FANCM: variants seen among roughly 807,000 people sequenced by gnomAD.
The protein encoded by FANCM is FA complementation group M, also known as Fanconi anemia group M protein.
A neutral mutation model predicts 199.5 loss-of-function variants in FANCM; 140 were observed. The observed-to-expected ratio is 0.70, with a 90% CI of 0.61 to 0.81. The LOEUF (loss-of-function observed/expected upper bound fraction) is 0.81, where lower values mean the gene tolerates loss of function less well. FANCM is among the 30% of genes least tolerant of loss of function. The pLI is 0.00. For missense variants in FANCM, 2,410 were observed against 2,421.4 expected (o/e 1.00, Z 0.10); for synonymous variants, 840 against 836.8 (o/e 1.00, Z -0.07).
At chr14:45,148,617 G>A (rs1158665667) in intron 3 of FANCM, among the ~76,000 whole-genome samples, 6 of 152,046 alleles carry the variant, frequency 3.9e-5, no homozygotes, top group Non-Finnish European at 7.4e-5. Context: ...TTGGCTTGAA[G>A]GTCTGTGTGG....
At chr14:45,157,164 A>G (rs2139180085) in intron 8 of FANCM, among the ~76,000 whole-genome samples, 1 of 152,260 alleles carries the variant, frequency 6.6e-6, no homozygotes, top group Non-Finnish European at 1.5e-5. Flanking sequence ...AGAATAACAA[A>G]AGAAAGAGCA....
chr14:45,173,082 C>T lies in FANCM; in HGVS notation c.2188C>T (p.Gln730Ter). ...TCAAGAATCAACCACTGGAATTCAT[C>T]AACTCTCTCTCTCTGAATGGAGACT... ...PAQESTTGIH[Q>*]LSLSEWRLWQ... is the part of the protein sequence containing the mutation. Residue 730 changes from glutamine (Q) to a stop codon, truncating the protein, a stop_gained, in exon 13 of 23, where the codon CAA becomes TAA. Coordinates refer to ENST00000267430, the MANE Select transcript of FANCM (RefSeq NM_020937.4). LOFTEE classifies it high-confidence loss of function. 6.2e-7 allele frequency: 1 copy of T among 1,608,838 alleles called. No homozygotes were observed. Among genetic ancestry groups the T allele is most frequent in the Non-Finnish European group, 8.5e-7 (1 of 1,175,298 alleles).
chr14:45,195,640 C>A, intron 20 of FANCM: 1 of 443,776 alleles, frequency 2.3e-6, no homozygotes, highest in South Asian at 1.6e-5. Context: ...TGTTTTTGAC[C>A]TCGGTGCATT....
At chr14:45,171,419 A>T (rs1888331391) in intron 12 of FANCM, among the ~76,000 whole-genome samples, 2 of 152,020 alleles carry the variant, frequency 1.3e-5, no homozygotes, top group Non-Finnish European at 2.9e-5. Flanking sequence ...TTTGGTGCAC[A>T]TCATCCGAGC....
rs1015238529 is a variant in FANCM, at chr14:45,136,221, G to T, written c.190G>T (p.Ala64Ser). 3.7e-6 allele frequency: 6 copies of T among 1,614,058 alleles called. No homozygotes were observed. Among genetic ancestry groups the T allele is most frequent in the Admixed American group, 3.3e-5 (2 of 60,002 alleles). Reference sequence around the variant, plus strand: ...TGTGTTGCTTGTCGCGGCGTACGAGGCTGAGCGGCAGTTGTGTCTAGAGAA... The same window carrying T: ...TGTGTTGCTTGTCGCGGCGTACGAGTCTGAGCGGCAGTTGTGTCTAGAGAA... ...DDVLLVAAYE[A>S]ERQLCLENGG... Residue 64 changes from alanine to serine, a missense_variant, in exon 1 of 23, where the codon GCT becomes TCT. Physicochemically the swap from Ala to Ser is moderately conservative, Grantham distance 99. Transcript: ENST00000267430.
intron 18 of FANCM, among the ~76,000 whole-genome samples, chr14:45,185,843 G>GT (rs1220910830): frequency 6.6e-6 from 1 of 152,130 alleles, no homozygotes; most frequent in African/African-American, 2.4e-5. Context: ...AAAATTTGGA[G>GT]TAACTGGGGT....
At position 45,199,891 on chromosome 14, in the gene FANCM, G is replaced by A. The variant is rs1890267290; in HGVS notation, c.6030G>A (p.Met2010Ile). 1.9e-6 allele frequency: 3 copies of A among 1,611,472 alleles called. No homozygotes were observed. The highest frequency in any genetic ancestry group is 2.5e-6 in the Non-Finnish European group (3 of 1,178,026). ...MANSSLQEIS[M>I]YAQVTHQKAE... ...TCAGCTCACTTCAAGAAATCTCCATGTATGCACAAGTAACTCATCAGAAGG... is the reference window on the plus strand; with the variant it reads ...TCAGCTCACTTCAAGAAATCTCCATATATGCACAAGTAACTCATCAGAAGG... The change falls in exon 23 of 23, where the codon ATG (methionine) becomes ATA (isoleucine). Residue 2010 changes from methionine to isoleucine, a missense_variant. Transcript: ENST00000267430.
At position 45,189,091 on chromosome 14, in the gene FANCM, T is replaced by A. The variant is rs1487516869; in HGVS notation, c.5069T>A (p.Val1690Asp). 1 of 1,614,036 alleles carries A rather than the reference T, an allele frequency of 6.2e-7. No homozygotes were observed. Among genetic ancestry groups the A allele is most frequent in the Non-Finnish European group, 8.5e-7 (1 of 1,180,008 alleles). ...GATAAAAGAGAATCTAATATTGCGGTTAACCCAAGCACTGTTAAGAAGAAC... is the reference window on the plus strand; with the variant it reads ...GATAAAAGAGAATCTAATATTGCGGATAACCCAAGCACTGTTAAGAAGAAC... ...VNDKRESNIAVNPSTVKKNKQ... is the reference protein window; with the variant it reads ...VNDKRESNIADNPSTVKKNKQ... The change falls in exon 20 of 23, where the codon GTT (valine) becomes GAT (aspartate). Residue 1690 changes from valine to aspartate, a missense_variant. Physicochemically the swap from Val to Asp is radical, Grantham distance 152. Transcript: ENST00000267430.
chr14:45,169,884 C>T (rs1274180589), intron 11 of FANCM, among the ~76,000 whole-genome samples: 1 of 151,838 alleles, frequency 6.6e-6, no homozygotes, highest in Non-Finnish European at 1.5e-5. Context: ...CAAGTCTGTT[C>T]CCCCTACACT....
At chr14:45,164,600 G>C (rs964223542) in intron 10 of FANCM, 35 bp downstream of exon 10, 13 of 1,450,774 alleles carry the variant, frequency 9.0e-6, no homozygotes, top group Non-Finnish European at 1.2e-5. Context: ...TTTGACACTT[G>C]AAATTTGAGA....
At chr14:45,158,418 C>T (rs1427093471) in intron 8 of FANCM, among the ~76,000 whole-genome samples, 5 of 151,938 alleles carry the variant, frequency 3.3e-5, no homozygotes, top group East Asian at 1.9e-4. Context: ...TTCTACTGCC[C>T]GCCACCCCCC....
intron 20 of FANCM, 42 bp downstream of exon 20, chr14:45,189,404 AG>A: frequency 6.9e-7 from 1 of 1,453,980 alleles, no homozygotes; most frequent in Non-Finnish European, 9.6e-7. Flanking sequence ...GATGGTTACC[AG>A]AAGTTTTTCT....
At chr14:45,177,709 G>A (rs1028533851) in intron 14 of FANCM, among the ~76,000 whole-genome samples, 3 of 151,940 alleles carry the variant, frequency 2.0e-5, no homozygotes, top group African/African-American at 4.8e-5. Context: ...TATATATAGT[G>A]TAGATTTTCA....
intron 21 of FANCM, 81 bp from the exon 22 acceptor site, chr14:45,198,563 T>TGG: frequency 2.6e-6 from 2 of 755,820 alleles, no homozygotes; most frequent in South Asian, 4.0e-5. Context: ...GATCTTGGGA[T>TGG]TTTAATAAAA....
At chr14:45,142,883 A>C (rs1348742886) in intron 3 of FANCM, among the ~76,000 whole-genome samples, 1 of 151,978 alleles carries the variant, frequency 6.6e-6, no homozygotes, top group East Asian at 1.9e-4. Context: ...AATTACTGTT[A>C]TTCCCTTTGT....
Position 45,199,952 on chromosome 14 carries a change from G to A in FANCM, c.6091G>A (p.Asp2031Asn). The A allele has an allele frequency of 6.2e-7, 1 of 1,602,610 alleles. No homozygotes were observed. Among genetic ancestry groups the A allele is most frequent in the South Asian group, 1.1e-5 (1 of 90,794 alleles). ...CTATAGATATATTCACTATGTATTT[G>A]ACATACAAATGTTACCAAATGATCT... ...EIYRYIHYVF[D>N]IQMLPNDLNQ... The change falls in exon 23 of 23, where the codon GAC (aspartate) becomes AAC (asparagine). Residue 2031 changes from aspartate (D) to asparagine (N), a missense_variant. Transcript: ENST00000267430.
chr14:45,145,395 A>G (rs1378350391), intron 3 of FANCM, among the ~76,000 whole-genome samples: 1 of 152,040 alleles, frequency 6.6e-6, no homozygotes, highest in Non-Finnish European at 1.5e-5. Flanking sequence ...GCAGGAACTT[A>G]AGTTCCAACC....
intron 18 of FANCM, among the ~76,000 whole-genome samples, chr14:45,185,994 G>T (rs1196119672): frequency 6.6e-6 from 1 of 152,140 alleles, no homozygotes; most frequent in Non-Finnish European, 1.5e-5. Context: ...GAACTCCTAG[G>T]CTCGGGAGAT....
chr14:45,177,076 C>A, intron 14 of FANCM, 100 bp downstream of exon 14: 1 of 722,910 alleles, frequency 1.4e-6, no homozygotes, highest in Non-Finnish European at 2.4e-6. Context: ...GTACATGGTA[C>A]AATATAAATA....
Sources: gnomAD v4.1 joint callset for allele counts (sites outside exome capture counted in the v4.1 genomes callset) on GRCh38, gnomAD v4.1.1 for gene constraint, MANE v1.5 for transcripts, NCBI Gene and HGNC (gene_info 2026-07-23, HGNC 2026-07-21) for gene names.